Variants in DDAH1 observed in about 807,000 individuals in gnomAD.
DDAH1 encodes the protein dimethylarginine dimethylaminohydrolase 1.
DDAH1 carries 19 observed loss-of-function variants against 28.8 expected under a neutral mutation model. The observed-to-expected ratio is 0.66, with a 90% confidence interval of 0.46 to 0.97. The LOEUF (loss-of-function observed/expected upper bound fraction) is 0.97. DDAH1 is among the 50% of genes least tolerant of loss of function. DDAH1 has a pLI of 0.00. For synonymous variants in DDAH1, 153 were observed against 154.4 expected (o/e 0.99, Z 0.07); for missense variants, 326 against 375.9 (o/e 0.87, Z 1.10).
chr1:85,356,502 C>A (rs945851944), intron 2 of DDAH1, among the ~76,000 whole-genome samples: 1 of 152,158 alleles, frequency 6.6e-6, no homozygotes, highest in Non-Finnish European at 1.5e-5. Flanking sequence ...TAATTAATGT[C>A]ACTTGAATTG....
chr1:85,517,111 T>G (rs1657502445), intron 1 of DDAH1, among the ~76,000 whole-genome samples: 1 of 152,158 alleles, frequency 6.6e-6, no homozygotes, highest in Non-Finnish European at 1.5e-5. Context: ...AGGACTTAAA[T>G]AAGTGAAAGC....
At chr1:85,483,445 C>T (rs1426505252) in intron 2 of DDAH1, among the ~76,000 whole-genome samples, 1 of 152,048 alleles carries the variant, frequency 6.6e-6, no homozygotes, top group East Asian at 1.9e-4. Context: ...CTCGCTCTCC[C>T]CAGTAAAAAA....
chr1:85,525,542 T>A (rs1490453456), intron 1 of DDAH1, among the ~76,000 whole-genome samples: 1 of 142,790 alleles, frequency 7.0e-6, no homozygotes, highest in Non-Finnish European at 1.5e-5. Context: ...CTAATTATTG[T>A]ATTGTACAAC....
At chr1:85,420,049 G>A (rs916330697) in intron 1 of DDAH1, among the ~76,000 whole-genome samples, 1 of 152,022 alleles carries the variant, frequency 6.6e-6, no homozygotes, top group South Asian at 2.1e-4. Flanking sequence ...TCTGAGCTGC[G>A]GTTCGACCTG....
At chr1:85,401,838 T>C (rs1416139004) in intron 1 of DDAH1, among the ~76,000 whole-genome samples, 1 of 152,190 alleles carries the variant, frequency 6.6e-6, no homozygotes, top group Non-Finnish European at 1.5e-5. Context: ...ATTCCTATTA[T>C]TGAACTGTAG....
chr1:85,477,375 C>G (rs985144066), intron 2 of DDAH1, among the ~76,000 whole-genome samples: 1 of 152,146 alleles, frequency 6.6e-6, no homozygotes, highest in Non-Finnish European at 1.5e-5. Context: ...CGCCCTCAGG[C>G]CTTTTCTACA....
At chr1:85,407,209 A>G (rs963275049) in intron 1 of DDAH1, among the ~76,000 whole-genome samples, 1 of 152,204 alleles carries the variant, frequency 6.6e-6, no homozygotes, top group South Asian at 2.1e-4. Context: ...TTTAATTACT[A>G]ATTTAGGAAA....
chr1:85,354,958 G>A (rs233086), intron 2 of DDAH1, among the ~76,000 whole-genome samples: 6,010 of 152,080 alleles, frequency 0.04, 400 homozygotes, highest in African/African-American at 0.14. Flanking sequence ...AAACATTCAA[G>A]AGAAAGAGTT....
chr1:85,536,597 A>C (rs1327095545), intron 1 of DDAH1, among the ~76,000 whole-genome samples: 2 of 152,068 alleles, frequency 1.3e-5, no homozygotes, highest in African/African-American at 2.4e-5. Flanking sequence ...GAACAAAAAA[A>C]CACACACACA....
At chr1:85,465,177 G>A, upstream of DDAH1, 1 of 1,142,062 alleles carries the variant, frequency 8.8e-7, no homozygotes, top group Non-Finnish European at 1.1e-6. Flanking sequence ...AAGGAGCCCA[G>A]CTCGCGCCCG....
chr1:85,498,556 C>T (rs1461592867), intron 1 of DDAH1, among the ~76,000 whole-genome samples: 2 of 151,948 alleles, frequency 1.3e-5, no homozygotes, highest in African/African-American at 4.8e-5. Flanking sequence ...CATTTCAGTC[C>T]CTAGATAGCC....
Position 85,556,888 on chromosome 1 carries a change from G to A in DDAH1, c.-123+21096C>T, listed in dbSNP as rs937833878. Among the ~76,000 whole-genome samples, 16 of 152,212 alleles carry A rather than the reference G, an allele frequency of 1.1e-4. No homozygotes were observed. In the East Asian group the frequency reaches 2.1e-3, roughly 20 times the overall value. ...TCCAAGCACTTTGGGAGGCCGAGGC[G>A]GGCTGATTACCTGAGGTCAGGAGTT... On this transcript the variant is annotated intron_variant, in intron 1 of 6. Coordinates refer to the DDAH1 transcript ENST00000426972.
chr1:85,412,234 G>A (rs901083620), intron 1 of DDAH1, among the ~76,000 whole-genome samples: 4 of 152,102 alleles, frequency 2.6e-5, no homozygotes, highest in Non-Finnish European at 4.4e-5. Flanking sequence ...TTCTTGAGTC[G>A]GAGTCTACTA....
intron 1 of DDAH1, among the ~76,000 whole-genome samples, chr1:85,366,684 C>T (rs1487711749): frequency 1.3e-5 from 2 of 151,946 alleles, no homozygotes; most frequent in Non-Finnish European, 2.9e-5. Context: ...TAACCAAATC[C>T]AATCAGAGGC....
intron 1 of DDAH1, among the ~76,000 whole-genome samples, chr1:85,391,600 A>T (rs765845234): frequency 3.9e-5 from 6 of 152,224 alleles, no homozygotes; most frequent in Non-Finnish European, 8.8e-5. Context: ...AAAATGGGTG[A>T]AAGATGCAGA....
At chr1:85,557,263 T>C (rs915097271) in intron 1 of DDAH1, among the ~76,000 whole-genome samples, 2 of 152,240 alleles carry the variant, frequency 1.3e-5, no homozygotes, top group African/African-American at 4.8e-5. Context: ...CAGTGTTAAA[T>C]AGCTACACAG....
chr1:85,373,056 G>A (rs1172081470), intron 1 of DDAH1, among the ~76,000 whole-genome samples: 1 of 152,048 alleles, frequency 6.6e-6, no homozygotes, highest in African/African-American at 2.4e-5. Context: ...TACATAAGTT[G>A]ATATTCAAAT....
At chr1:85,485,449 T>C (rs1039798172) in intron 2 of DDAH1, among the ~76,000 whole-genome samples, 1 of 152,162 alleles carries the variant, frequency 6.6e-6, no homozygotes, top group African/African-American at 2.4e-5. Context: ...GCAGATTTGG[T>C]AACTGCAGAA....
At chr1:85,359,011 T>C (rs1649643055) in intron 1 of DDAH1, among the ~76,000 whole-genome samples, 164 bp from the exon 2 acceptor site, 2 of 152,248 alleles carry the variant, frequency 1.3e-5, no homozygotes, top group African/African-American at 4.8e-5. Flanking sequence ...TGACCAGTCA[T>C]GATCATTTGT....
Sources: gnomAD v4.1 joint callset for allele counts (sites outside exome capture counted in the v4.1 genomes callset) on GRCh38, gnomAD v4.1.1 for gene constraint, MANE v1.5 for transcripts, NCBI Gene and HGNC (gene_info 2026-07-23, HGNC 2026-07-21) for gene names.